Variants in PAPPA observed in about 807,000 individuals in gnomAD.
PAPPA encodes the protein pappalysin 1, also known as pappalysin-1.
Under a neutral mutation model 164.0 loss-of-function variants are expected in PAPPA, and 60 were observed. The observed-to-expected ratio is 0.37, with a 90% CI of 0.30 to 0.45. The LOEUF is 0.45. PAPPA is among the 20% of genes least tolerant of loss of function. The probability of loss-of-function intolerance (pLI) is 1.00; values close to 1 mark genes in which losing one functional copy is unlikely to be tolerated. For synonymous variants in PAPPA, 875 were observed against 814.1 expected, an observed-to-expected ratio of 1.07 and a Z score of -1.27; for missense variants, 1,782 against 2,087.3, an observed-to-expected ratio of 0.85 and a Z score of 2.85.
chr9:116,267,341 A>T (rs972948214), intron 8 of PAPPA, among the ~76,000 whole-genome samples: 1 of 152,268 alleles, frequency 6.6e-6, no homozygotes, highest in Admixed American at 6.5e-5. Flanking sequence ...GAGCTGGCAT[A>T]TAAATACTCA....
At chr9:116,343,411 T>C (rs1846163588) in intron 13 of PAPPA, among the ~76,000 whole-genome samples, 3 of 152,306 alleles carry the variant, frequency 2.0e-5, no homozygotes, top group Middle Eastern at 3.4e-3. Context: ...AGAATACCCA[T>C]GAGGGTGCTT....
chr9:116,379,909 A>C (rs1430084954), intron 20 of PAPPA, among the ~76,000 whole-genome samples: 1 of 152,174 alleles, frequency 6.6e-6, no homozygotes, highest in Non-Finnish European at 1.5e-5. Flanking sequence ...GACAGGAGAA[A>C]TCTCTAAGTA....
chr9:116,187,339 G>A lies in PAPPA; in HGVS notation c.601G>A (p.Ala201Thr). The change falls in exon 2 of 22, where the codon GCC becomes ACC. Residue 201 changes from alanine (A) to threonine (T), a missense_variant. Coordinates refer to ENST00000328252, the MANE Select transcript of PAPPA (RefSeq NM_002581.5). The surrounding 1 kb of genome is among the most constrained non-coding windows in gnomAD (Gnocchi z 4.2). ...YLPGQWVYLAATYDGQFMKLY... is the reference protein window; with the variant it reads ...YLPGQWVYLATTYDGQFMKLY... ...CCCAGGCCAGTGGGTATACCTAGCT[G>A]CCACCTATGATGGGCAGTTCATGAA... is the stretch of plus-strand genomic sequence containing the variant. 2 of 1,614,106 alleles carry A rather than the reference G, an allele frequency of 1.2e-6. No homozygotes were observed.
chr9:116,210,727 A>G (rs1342835445), intron 3 of PAPPA, among the ~76,000 whole-genome samples: 1 of 152,108 alleles, frequency 6.6e-6, no homozygotes, highest in Non-Finnish European at 1.5e-5. Context: ...TGCTTCTCAA[A>G]CCAGAATATA....
intron 1 of PAPPA, among the ~76,000 whole-genome samples, chr9:116,166,170 T>C (rs1843717326): frequency 6.6e-6 from 1 of 152,114 alleles, no homozygotes; most frequent in East Asian, 1.9e-4. Context: ...GTTAATTCCA[T>C]TTACCCCTGA....
intron 10 of PAPPA, among the ~76,000 whole-genome samples, chr9:116,306,349 A>G (rs1845645955): frequency 6.6e-6 from 1 of 152,212 alleles, no homozygotes; most frequent in African/African-American, 2.4e-5. Flanking sequence ...AATATTGATT[A>G]AAACTTCAGT....
rs754043853 is a variant in PAPPA, at chr9:116,158,919, G to C, written c.415+4332G>C. ...AGCCTAGATGTGAACCCAAGTCCTC[G>C]TTTCCTCTGTCAGCAGTCTTTTTGG... On this transcript the variant is annotated intron_variant, in intron 1 of 21. Transcript: ENST00000328252. Among the ~76,000 whole-genome samples, 3 of 152,180 alleles carry C rather than the reference G, an allele frequency of 2.0e-5. No homozygotes were observed. In the East Asian group the frequency reaches 5.8e-4, roughly 29 times the overall value.
rs115466499 is a variant in PAPPA, at chr9:116,316,951, G to A, written c.3147+14001G>A. Among the ~76,000 whole-genome samples the A allele has an allele frequency of 7.7e-3, 1,166 of 152,300 alleles. 14 individuals carry two copies. Among genetic ancestry groups the A allele is most frequent in the African/African-American group, 0.026 (1,092 of 41,556 alleles). ...GGATGGGAGGACCCTGAGGTCTGCA[G>A]TGAGAAGCAGGACTCAGAGACAATG... On this transcript the variant is annotated intron_variant, in intron 10 of 21. Transcript: ENST00000328252.
chr9:116,306,760 A>G (rs534736407), intron 10 of PAPPA, among the ~76,000 whole-genome samples: 1 of 152,206 alleles, frequency 6.6e-6, no homozygotes, highest in Non-Finnish European at 1.5e-5. Context: ...ACACAAAAGG[A>G]TGCCAAAATG....
intron 20 of PAPPA, among the ~76,000 whole-genome samples, chr9:116,381,031 A>T (rs1846723857): frequency 6.6e-6 from 1 of 152,180 alleles, no homozygotes; most frequent in South Asian, 2.1e-4. Context: ...CACTTTAATC[A>T]GAGTGGTTTC....
chr9:116,296,141 T>C (rs1417688093), intron 9 of PAPPA, among the ~76,000 whole-genome samples: 2 of 152,362 alleles, frequency 1.3e-5, no homozygotes, highest in East Asian at 3.9e-4. Flanking sequence ...TGGGGTTTAA[T>C]TTTGAAAACT....
At chr9:116,261,323 T>C (rs1844998508) in intron 7 of PAPPA, among the ~76,000 whole-genome samples, 1 of 152,094 alleles carries the variant, frequency 6.6e-6, no homozygotes, top group African/African-American at 2.4e-5. Context: ...ATAGAAACAA[T>C]AGGATCAATA....
chr9:116,227,563 C>A lies in PAPPA; in HGVS notation c.2233+11C>A, dbSNP rs980090560. The A allele has an allele frequency of 6.2e-7, 1 of 1,613,638 alleles. No homozygotes were observed. Among genetic ancestry groups the A allele is most frequent in the South Asian group, 1.1e-5 (1 of 91,052 alleles). The stretch of plus-strand genomic sequence containing the variant: ...CTCGTGAAGCAGAAGGTAAGCCAGC[C>A]TTCTGGAAGCTCATTGACAGGAGGA... On this transcript the variant is annotated intron_variant, in intron 6 of 21. Transcript: ENST00000328252.
At chr9:116,362,826 C>T (rs1846447355) in intron 18 of PAPPA, 87 bp downstream of exon 18, 1 of 1,331,248 alleles carries the variant, frequency 7.5e-7, no homozygotes, top group Non-Finnish European at 1.0e-6. Flanking sequence ...ATTGAACACC[C>T]TGGCCACATG....
rs1481185548 is a variant in PAPPA, at chr9:116,154,804, G to A, written c.415+217G>A. On this transcript the variant is annotated intron_variant, in intron 1 of 21. Transcript: ENST00000328252. This position sits in a 1 kb window ranked among gnomAD's most constrained non-coding sequence, Gnocchi z 5.2. ...CGGAAGGCGTAGCTGCTCCATCCCT[G>A]GGAGGAACCTGGGGAGCCCTCCTGG... 6.6e-6 allele frequency among the ~76,000 whole-genome samples: 1 copy of A among 152,208 alleles called. No individual in the cohort carries two copies. Among genetic ancestry groups the A allele is most frequent in the Non-Finnish European group, 1.5e-5 (1 of 68,036 alleles).
intron 12 of PAPPA, among the ~76,000 whole-genome samples, chr9:116,333,209 G>T (rs1277645935): frequency 1.3e-5 from 2 of 152,166 alleles, no homozygotes; most frequent in Non-Finnish European, 2.9e-5. Flanking sequence ...CCTTGAGAAG[G>T]TGAGCAATCT....
chr9:116,323,569 G>A (rs7864519), intron 10 of PAPPA, among the ~76,000 whole-genome samples: 4,743 of 151,632 alleles, frequency 0.031, 169 homozygotes, highest in African/African-American at 0.066. Context: ...GAGAGAGAGA[G>A]AAAAAAAACA....
At chr9:116,227,600 A>G (rs1317725023) in intron 6 of PAPPA, 48 bp downstream of exon 6, 1 of 1,603,954 alleles carries the variant, frequency 6.2e-7, no homozygotes, top group East Asian at 2.2e-5. Flanking sequence ...TGTGCAAAGA[A>G]CAGCTCTTTC....
At chr9:116,245,812 AT>A (rs1268158312) in intron 7 of PAPPA, among the ~76,000 whole-genome samples, 1 of 152,204 alleles carries the variant, frequency 6.6e-6, no homozygotes, top group African/African-American at 2.4e-5. Flanking sequence ...TAGGACTGAA[AT>A]TGCTCATGGC....
Sources: allele counts gnomAD v4.1 joint callset (sites outside exome capture counted in the v4.1 genomes callset), GRCh38; gene constraint gnomAD v4.1.1; non-coding constraint Gnocchi (gnomAD v3.1); transcripts MANE v1.5; gene names NCBI Gene and HGNC (gene_info 2026-07-23, HGNC 2026-07-21).